Variants in CABP1 observed in about 807,000 individuals in gnomAD.
CABP1 encodes calcium binding protein 1.
CABP1 carries 17 observed loss-of-function variants against 34.3 expected under a neutral mutation model. The ratio of observed to expected loss-of-function variants is 0.50; its 90% CI spans 0.34 to 0.74. The LOEUF (loss-of-function observed/expected upper bound fraction) is 0.74. Ranked by LOEUF, CABP1 falls within the 30% of genes least tolerant of loss-of-function variation. The probability of loss-of-function intolerance (pLI) is 0.01; values close to 1 mark genes in which losing one functional copy is unlikely to be tolerated. For synonymous variants in CABP1, 198 were observed against 229.2 expected (o/e 0.86, Z 1.23); for missense variants, 373 against 511.1 (o/e 0.73, Z 2.61).
At position 120,662,000 on chromosome 12, in the gene CABP1, T is replaced by G. The variant is rs1173844546; in HGVS notation, c.1087+782T>G. On this transcript the variant is annotated intron_variant, in intron 5 of 5. Transcript: ENST00000316803. The surrounding 1 kb of genome is among the most constrained non-coding windows in gnomAD (Gnocchi z 5.1). ...CTTCCATTCACACATTCATGTCTCT[T>G]CGTCTGCATATACTTCTACCCATAC... The G allele has an allele frequency of 6.6e-6, 1 of 152,284 alleles. No individual in the cohort carries two copies. Among genetic ancestry groups the G allele is most frequent in the Non-Finnish European group, 1.5e-5 (1 of 68,080 alleles). The allele number at this position is 152,284 out of a possible 1,614,324, so 9.4% of individuals were successfully genotyped here. A position where few individuals can be genotyped will look rare whatever the true frequency, so the allele number is the denominator to read the frequency against.
In CABP1 at chr12:120,654,608, C is replaced by G. The variant is rs567898050; in HGVS notation, c.655-5270C>G. On this transcript the variant is annotated intron_variant, in intron 1 of 5. Coordinates refer to ENST00000316803, the MANE Select transcript of CABP1 (RefSeq NM_001033677.2). ...GGGAAGGTCCTACTCTAGCTAAATCCCCCCACATTGAAGGAAGGTATGTAA... is the reference window on the plus strand; with the variant it reads ...GGGAAGGTCCTACTCTAGCTAAATCGCCCCACATTGAAGGAAGGTATGTAA... 2.5e-3 allele frequency among the ~76,000 whole-genome samples: 381 copies of G among 151,362 alleles called. 4 individuals are homozygous for G. Among genetic ancestry groups the G allele is most frequent in the African/African-American group, 8.9e-3 (370 of 41,414 alleles).
intron 1 of CABP1, chr12:120,650,735 C>A: frequency 6.4e-7 from 1 of 1,571,726 alleles, no homozygotes; most frequent in Non-Finnish European, 8.8e-7. Context: ...GGTATCTCAC[C>A]ATCTGTCTCA....
At position 120,656,010 on chromosome 12, in the gene CABP1, A is replaced by G. The variant is rs1565998214; in HGVS notation, c.655-3868A>G. On this transcript the variant is annotated intron_variant, in intron 1 of 5. Coordinates refer to ENST00000316803, the MANE Select transcript of CABP1 (RefSeq NM_001033677.2). ...ACTCTCAGGGTCCCCTCTTGCGGAA[A>G]GCCCCTCCCGGGACCAGGAGCCAGG... 7 of 1,596,560 alleles carry G rather than the reference A, an allele frequency of 4.4e-6. No individual in the cohort carries two copies. The Admixed American group carries it at 7.0e-5, about 16-fold the overall frequency.
rs377452593 is a variant in CABP1, at chr12:120,660,373, G to A, written c.829+34G>A. Reference sequence around the variant, plus strand: ...CTCTACCAGGCATCTGCGTCCCTTCGGTCCTCACCCTTGCCGTCCTCTGCA... The same window carrying A: ...CTCTACCAGGCATCTGCGTCCCTTCAGTCCTCACCCTTGCCGTCCTCTGCA... On this transcript the variant is annotated intron_variant, in intron 3 of 5. Coordinates refer to ENST00000316803, the MANE Select transcript of CABP1 (RefSeq NM_001033677.2). The surrounding 1 kb of genome is among the most constrained non-coding windows in gnomAD (Gnocchi z 5.0). 52 of 1,601,870 alleles carry A rather than the reference G, an allele frequency of 3.2e-5. No individual in the cohort carries two copies. The highest frequency in any genetic ancestry group is 4.1e-5 in the Non-Finnish European group (48 of 1,175,698).
intron 5 of CABP1, among the ~76,000 whole-genome samples, chr12:120,664,746 G>A (rs74194757): frequency 0.064 from 9,732 of 151,898 alleles, 370 homozygotes; most frequent in Admixed American, 0.12. Flanking sequence ...GTGTGGTGGC[G>A]CACACCTGTA....
chr12:120,651,082 C>T (rs1879815459), intron 1 of CABP1, among the ~76,000 whole-genome samples: 1 of 151,906 alleles, frequency 6.6e-6, no homozygotes, highest in African/African-American at 2.4e-5. Flanking sequence ...GGCAGGGACT[C>T]GTTCATATCC....
chr12:120,640,647 G>C lies in CABP1; in HGVS notation c.-39G>C, dbSNP rs892852407. On this transcript the variant is annotated 5_prime_UTR_variant, in exon 1 of 6. Transcript: ENST00000316803. The surrounding 1 kb of genome is among the most constrained non-coding windows in gnomAD (Gnocchi z 6.2). The stretch of plus-strand genomic sequence containing the variant: ...CCCCAGATCTGCACCGCCAGCCGCC[G>C]GGAGCTCCGGGCTCCGGGCGTAGAG... 2 of 1,154,200 alleles carry C rather than the reference G, an allele frequency of 1.7e-6. No homozygotes were observed. Among genetic ancestry groups the C allele is most frequent in the Non-Finnish European group, 2.1e-6 (2 of 938,186 alleles). The allele number at this position is 1,154,200 out of a possible 1,614,324, so 71.5% of individuals were successfully genotyped here.
In CABP1 at chr12:120,653,554, G is replaced by C. The variant is rs567034494; in HGVS notation, c.655-6324G>C. Among the ~76,000 whole-genome samples, 12 of 152,186 alleles carry C rather than the reference G, an allele frequency of 7.9e-5. No homozygotes were observed. In the South Asian group the frequency reaches 2.5e-3, roughly 32 times the overall value. On this transcript the variant is annotated intron_variant, in intron 1 of 5. Transcript: ENST00000316803. ...TTGTTTTTTGTTTTTTTGTGGTTTT[G>C]AGATGGAGTCTCGCTCTGTTACCCA...
At position 120,667,046 on chromosome 12, in the gene CABP1, G is replaced by A. The variant is rs1039538494; in HGVS notation, c.*146G>A. On this transcript the variant is annotated 3_prime_UTR_variant, in exon 6 of 6. Transcript: ENST00000316803. ...TGCACCCCGGGGAGGCGCCCACCCC[G>A]GACCCCCACCCCTCCGCACTGTGAA... 5 of 866,572 alleles carry A rather than the reference G, an allele frequency of 5.8e-6. No homozygotes were observed. The highest frequency in any genetic ancestry group is 2.8e-5 in the East Asian group (1 of 35,676). The allele number at this position is 866,572 out of a possible 1,614,324, so 53.7% of individuals were successfully genotyped here. A position where few individuals can be genotyped will look rare whatever the true frequency, so the allele number is the denominator to read the frequency against.
intron 5 of CABP1, among the ~76,000 whole-genome samples, chr12:120,665,380 T>A (rs1427870499): frequency 1.3e-5 from 2 of 151,816 alleles, no homozygotes; most frequent in Non-Finnish European, 2.9e-5. Context: ...GAGCCGAGAT[T>A]GTGCCACTGT....
chr12:120,646,803 A>G (rs565013362), intron 1 of CABP1, among the ~76,000 whole-genome samples: 6 of 152,296 alleles, frequency 3.9e-5, no homozygotes, highest in African/African-American at 1.4e-4. Context: ...ATAAGCCGCC[A>G]TACCCAGCTG....
At chr12:120,658,400 TAGCG>T (rs760016583) in intron 1 of CABP1, among the ~76,000 whole-genome samples, 1 of 151,994 alleles carries the variant, frequency 6.6e-6, no homozygotes, top group Non-Finnish European at 1.5e-5. Context: ...GCCTGGCCCA[TAGCG>T]AGCTTTTTAG....
chr12:120,648,345 C>G, intron 1 of CABP1, among the ~76,000 whole-genome samples: 1 of 152,196 alleles, frequency 6.6e-6, no homozygotes, highest in East Asian at 1.9e-4. Context: ...AGAATGTAAG[C>G]GTCCTGAAAT....
At chr12:120,669,993 G>GT (rs56720965), downstream of CABP1, among the ~76,000 whole-genome samples, 16 of 150,504 alleles carry the variant, frequency 1.1e-4, no homozygotes, top group South Asian at 2.1e-4. Context: ...GCCAGGAAAC[G>GT]TTTTTTTTTC....
chr12:120,658,776 C>T (rs1353697151), intron 1 of CABP1, among the ~76,000 whole-genome samples: 3 of 152,156 alleles, frequency 2.0e-5, no homozygotes, highest in African/African-American at 7.2e-5. Flanking sequence ...TGTCTGTGTT[C>T]GTGGGAGGTA....
At position 120,641,584 on chromosome 12, in the gene CABP1, A is replaced by C. The variant is rs1449535683; in HGVS notation, c.654+245A>C. 2.6e-6 allele frequency: 1 copy of C among 379,078 alleles called. No homozygotes were observed. The highest frequency in any genetic ancestry group is 4.6e-6 in the Non-Finnish European group (1 of 216,760). 23.5% of individuals were successfully genotyped at this position (379,078 alleles called of 1,614,324 possible). On this transcript the variant is annotated intron_variant, in intron 1 of 5. Coordinates refer to ENST00000316803, the MANE Select transcript of CABP1 (RefSeq NM_001033677.2). This position sits in a 1 kb window ranked among gnomAD's most constrained non-coding sequence, Gnocchi z 6.7. ...AAGGCCCTCCCCGCTAGCCTCCCTC[A>C]TACCCGCCAGAACCCGCCAGTCCTG... is the stretch of plus-strand genomic sequence containing the variant.
At chr12:120,653,586 A>ATAAC (rs1879984912) in intron 1 of CABP1, among the ~76,000 whole-genome samples, 1 of 152,114 alleles carries the variant, frequency 6.6e-6, no homozygotes, top group Non-Finnish European at 1.5e-5. Context: ...CCCAAGCTGG[A>ATAAC]GTGCAGTGGC....
chr12:120,665,728 A>AAG (rs1031685357), intron 5 of CABP1, among the ~76,000 whole-genome samples: 3 of 151,960 alleles, frequency 2.0e-5, no homozygotes, highest in Admixed American at 6.6e-5. Context: ...CCCTTAAAAA[A>AAG]AGAGAGAGAG....
rs998437535 is a variant in CABP1, at chr12:120,661,397, G to A, written c.1087+179G>A. 2 of 618,632 alleles carry A rather than the reference G, an allele frequency of 3.2e-6. No individual in the cohort carries two copies. Among genetic ancestry groups the A allele is most frequent in the Non-Finnish European group, 2.8e-6 (1 of 361,070 alleles). The allele number at this position is 618,632 out of a possible 1,614,324, so 38.3% of individuals were successfully genotyped here. ...AATCCATCTCCCATCCCTTCCCCAT[G>A]CATCTATTCATGCATCTGTCCATCC... On this transcript the variant is annotated intron_variant, in intron 5 of 5. Coordinates refer to ENST00000316803, the MANE Select transcript of CABP1 (RefSeq NM_001033677.2). The surrounding 1 kb of genome is among the most constrained non-coding windows in gnomAD (Gnocchi z 5.1).
Sources: gnomAD v4.1 joint callset for allele counts (sites outside exome capture counted in the v4.1 genomes callset) on GRCh38, gnomAD v4.1.1 for gene constraint, Gnocchi (gnomAD v3.1) non-coding constraint, MANE v1.5 for transcripts, NCBI Gene and HGNC (gene_info 2026-07-23, HGNC 2026-07-21) for gene names.